GRM8: variants seen among roughly 807,000 people sequenced by gnomAD.
The protein encoded by GRM8 is metabotropic glutamate receptor 8.
A neutral mutation model predicts 87.2 loss-of-function variants in GRM8; 47 were observed. The observed-to-expected ratio is 0.54, with a 90% CI of 0.43 to 0.69. The LOEUF is 0.69. GRM8 is among the 30% of genes least tolerant of loss of function. The probability of loss-of-function intolerance (pLI) is 0.00; values close to 1 mark genes in which losing one functional copy is unlikely to be tolerated. For missense variants in GRM8, 1,019 were observed against 1,139.2 expected, an observed-to-expected ratio of 0.89 and a Z score of 1.52; for synonymous variants, 396 against 404.5, an observed-to-expected ratio of 0.98 and a Z score of 0.25.
At chr7:127,025,946 CA>C (rs1215091862) in intron 3 of GRM8, among the ~76,000 whole-genome samples, 7 of 152,068 alleles carry the variant, frequency 4.6e-5, no homozygotes, top group African/African-American at 7.2e-5. Context: ...TGGTTTGCTG[CA>C]CCCATCAACT....
intron 2 of GRM8, among the ~76,000 whole-genome samples, chr7:127,170,087 T>C (rs1459271379): frequency 6.6e-6 from 1 of 152,208 alleles, no homozygotes; most frequent in Non-Finnish European, 1.5e-5. Flanking sequence ...CTACCATAGA[T>C]AGTGACTTCT....
intron 2 of GRM8, among the ~76,000 whole-genome samples, chr7:127,186,486 C>A (rs1171123610): frequency 1.3e-5 from 2 of 152,088 alleles, no homozygotes; most frequent in Non-Finnish European, 2.9e-5. Flanking sequence ...ATCTTTTGAA[C>A]TCCCTCCCTT....
intron 6 of GRM8, among the ~76,000 whole-genome samples, chr7:126,837,478 AT>A: frequency 6.6e-6 from 1 of 152,252 alleles, no homozygotes; most frequent in East Asian, 1.9e-4. Context: ...AAAAGCCAAG[AT>A]GATACAAATG....
chr7:126,986,075 A>T (rs1455457786), intron 3 of GRM8, among the ~76,000 whole-genome samples: 3 of 152,084 alleles, frequency 2.0e-5, no homozygotes, highest in Non-Finnish European at 4.4e-5. Flanking sequence ...CCAGTGGTAC[A>T]ATCATCAGTC....
At chr7:127,180,905 T>C (rs922797668) in intron 2 of GRM8, among the ~76,000 whole-genome samples, 6 of 151,936 alleles carry the variant, frequency 3.9e-5, no homozygotes, top group African/African-American at 1.4e-4. Flanking sequence ...TGGGGAAAAG[T>C]TGAAAGCATT....
At chr7:126,903,142 A>G (rs1321170866) in intron 5 of GRM8, among the ~76,000 whole-genome samples, 1 of 152,126 alleles carries the variant, frequency 6.6e-6, no homozygotes, top group African/African-American at 2.4e-5. Context: ...TTTTCAGGTA[A>G]TTCAATAAAG....
intron 2 of GRM8, among the ~76,000 whole-genome samples, chr7:127,125,800 A>ACACACACACACAC (rs1491333155): frequency 3.4e-5 from 5 of 146,888 alleles, no homozygotes; most frequent in Admixed American, 6.7e-5. Flanking sequence ...ACACACACAC[A>ACACACACACACAC]AATAACTATT....
At chr7:127,194,470 A>C (rs1795181981) in intron 2 of GRM8, among the ~76,000 whole-genome samples, 1 of 152,196 alleles carries the variant, frequency 6.6e-6, no homozygotes, top group Non-Finnish European at 1.5e-5. Flanking sequence ...TAAAGCCCCC[A>C]TTCAACCTTT....
chr7:126,922,682 T>C (rs1216936831), intron 3 of GRM8, among the ~76,000 whole-genome samples: 1 of 152,108 alleles, frequency 6.6e-6, no homozygotes, highest in Non-Finnish European at 1.5e-5. Flanking sequence ...CACCCAAATC[T>C]CATATTGAAA....
chr7:126,696,470 A>G (rs910113850), intron 7 of GRM8, among the ~76,000 whole-genome samples: 6 of 152,130 alleles, frequency 3.9e-5, no homozygotes, highest in Admixed American at 2.0e-4. Flanking sequence ...CTTACAAGTG[A>G]GAACATGCGG....
chr7:127,127,309 A>G (rs1190941563), intron 2 of GRM8, among the ~76,000 whole-genome samples: 1 of 152,088 alleles, frequency 6.6e-6, no homozygotes, highest in Non-Finnish European at 1.5e-5. Context: ...ATATAAAAAC[A>G]TATGTTCATA....
intron 9 of GRM8, among the ~76,000 whole-genome samples, chr7:126,457,548 A>C (rs1240581470): frequency 6.6e-6 from 1 of 151,474 alleles, no homozygotes; most frequent in African/African-American, 2.4e-5. Context: ...GGAAATAAAT[A>C]ACAAAAGAAA....
chr7:127,234,167 C>T (rs1266227874), intron 2 of GRM8, among the ~76,000 whole-genome samples: 4 of 152,202 alleles, frequency 2.6e-5, no homozygotes. Flanking sequence ...GTCATGGTTT[C>T]TGAAGACAAA....
chr7:126,862,165 T>C (rs1179431880), intron 6 of GRM8, among the ~76,000 whole-genome samples: 2 of 152,048 alleles, frequency 1.3e-5, no homozygotes, highest in Non-Finnish European at 2.9e-5. Flanking sequence ...ACAAACTCAA[T>C]TTATCTTTGT....
At chr7:126,477,581 G>GAGAAAGAAAGAA (rs36192147) in intron 9 of GRM8, among the ~76,000 whole-genome samples, 262 of 79,156 alleles carry the variant, frequency 3.3e-3, no homozygotes, top group Non-Finnish European at 3.2e-3. Flanking sequence ...GAAAGAAAGA[G>GAGAAAGAAAGAA]AGAAAGAAAG....
At chr7:126,521,289 T>C (rs886817285) in intron 9 of GRM8, among the ~76,000 whole-genome samples, 1 of 152,126 alleles carries the variant, frequency 6.6e-6, no homozygotes, top group Admixed American at 6.6e-5. Context: ...ATACATTTCT[T>C]GGTATTTTTC....
At chr7:126,566,308 A>C (rs184573134) in intron 8 of GRM8, among the ~76,000 whole-genome samples, 2 of 152,322 alleles carry the variant, frequency 1.3e-5, no homozygotes, top group East Asian at 1.9e-4. Context: ...AATTGGTAAG[A>C]AACTTCTACA....
intron 3 of GRM8, among the ~76,000 whole-genome samples, chr7:126,983,994 T>C (rs539696241): frequency 6.6e-6 from 1 of 152,306 alleles, no homozygotes; most frequent in South Asian, 2.1e-4. Flanking sequence ...TTTGTTCAGG[T>C]ATACAGAAAA....
At chr7:126,486,758 G>A (rs1807420745) in intron 9 of GRM8, among the ~76,000 whole-genome samples, 1 of 152,000 alleles carries the variant, frequency 6.6e-6, no homozygotes, top group Non-Finnish European at 1.5e-5. Context: ...CCCATTATAT[G>A]TTTAACAAGG....
Sources: allele counts gnomAD v4.1 joint callset (sites outside exome capture counted in the v4.1 genomes callset), GRCh38; gene constraint gnomAD v4.1.1; transcripts MANE v1.5; gene names NCBI Gene and HGNC (gene_info 2026-07-23, HGNC 2026-07-21).